Variants in POC1A observed in about 807,000 individuals in gnomAD.
POC1A encodes POC1 centriolar protein A, also known as POC1 centriolar protein homolog A.
Under a neutral mutation model 47.8 loss-of-function variants are expected in POC1A, and 34 were observed. That is an observed-to-expected ratio of 0.71 (90% CI 0.54 to 0.95). The LOEUF is 0.95. Ranked by LOEUF, POC1A falls within the 40% of genes least tolerant of loss-of-function variation. POC1A has a pLI of 0.00. For synonymous variants in POC1A, 177 were observed against 207.6 expected (o/e 0.85, Z 1.27); for missense variants, 466 against 528.3 (o/e 0.88, Z 1.16).
At chr3:52,088,712 G>A (rs1313012116) in intron 10 of POC1A, among the ~76,000 whole-genome samples, 1 of 151,950 alleles carries the variant, frequency 6.6e-6, no homozygotes, top group Non-Finnish European at 1.5e-5. Context: ...GAGGGCCCAG[G>A]TCCCCGAGGA....
At chr3:52,147,139 A>C (rs777884515) in intron 4 of POC1A, 44 bp from the exon 5 acceptor site, 53 of 1,445,348 alleles carry the variant, frequency 3.7e-5, no homozygotes, top group Non-Finnish European at 1.9e-6. Context: ...CTAACAGACG[A>C]CATGGGCACC....
At chr3:52,122,193 C>A (rs1279549984) in intron 9 of POC1A, among the ~76,000 whole-genome samples, 186 bp downstream of exon 9, 29 of 152,248 alleles carry the variant, frequency 1.9e-4, no homozygotes, top group Non-Finnish European at 4.4e-5. Flanking sequence ...CTTATTCGTT[C>A]ACTCTAGATG....
chr3:52,085,262 A>C (rs1702422177), intron 10 of POC1A, among the ~76,000 whole-genome samples: 1 of 152,138 alleles, frequency 6.6e-6, no homozygotes, highest in East Asian at 1.9e-4. Context: ...AGGGCCTCCC[A>C]GGCAGGGCTC....
In POC1A at chr3:52,149,137, T is replaced by C. The variant is rs762289637; in HGVS notation, c.455+73A>G. The C allele has an allele frequency of 5.7e-4, 771 of 1,350,850 alleles. 1 individual carries two copies. The highest frequency in any genetic ancestry group is 7.5e-4 in the Non-Finnish European group (711 of 946,384). The allele number at this position is 1,350,850 out of a possible 1,614,324, so 83.7% of individuals were successfully genotyped here. A position where few individuals can be genotyped will look rare whatever the true frequency, so the allele number is the denominator to read the frequency against. ...TAACTTGCCCGAGGTCATAAGTTGGTACCTAGCAGCCCCTGGGCCAGCCCC... is the reference window on the plus strand; with the variant it reads ...TAACTTGCCCGAGGTCATAAGTTGGCACCTAGCAGCCCCTGGGCCAGCCCC... On this transcript the variant is annotated intron_variant, in intron 4 of 10. Transcript: ENST00000296484.
chr3:52,122,003 C>T (rs1267892201), intron 9 of POC1A, among the ~76,000 whole-genome samples: 2 of 152,174 alleles, frequency 1.3e-5, no homozygotes, highest in Non-Finnish European at 2.9e-5. Flanking sequence ...GCTGTGGCTT[C>T]AGGCCCTGAA....
intron 10 of POC1A, among the ~76,000 whole-genome samples, chr3:52,082,643 G>A (rs1702338591): frequency 6.6e-6 from 1 of 152,166 alleles, no homozygotes; most frequent in South Asian, 2.1e-4. Flanking sequence ...CTCACTCACA[G>A]TTCAAGACGT....
chr3:52,150,912 C>G, intron 2 of POC1A, 104 bp downstream of exon 2: 1 of 980,112 alleles, frequency 1.0e-6, no homozygotes, highest in Non-Finnish European at 1.6e-6. Context: ...CTAGACAAAG[C>G]TGTGCAGTCC....
At chr3:52,130,081 C>T (rs1559839782) in intron 7 of POC1A, among the ~76,000 whole-genome samples, 1 of 152,230 alleles carries the variant, frequency 6.6e-6, no homozygotes, top group Non-Finnish European at 1.5e-5. Context: ...CCCCTGTATG[C>T]CTGAACTCTG....
At chr3:52,153,799 G>A (rs1253449926) in intron 1 of POC1A, among the ~76,000 whole-genome samples, 1 of 152,216 alleles carries the variant, frequency 6.6e-6, no homozygotes, top group Non-Finnish European at 1.5e-5. Context: ...AGTGCCTCAG[G>A]GCATCACAGG....
chr3:52,084,206 G>A lies in POC1A; in HGVS notation c.1126-8221C>T, dbSNP rs1702387450. Among the ~76,000 whole-genome samples the A allele has an allele frequency of 6.6e-6, 1 of 152,222 alleles. No individual in the cohort carries two copies. Among genetic ancestry groups the A allele is most frequent in the Non-Finnish European group, 1.5e-5 (1 of 68,048 alleles). On this transcript the variant is annotated intron_variant, in intron 10 of 10. Transcript: ENST00000296484. This position sits in a 1 kb window ranked among gnomAD's most constrained non-coding sequence, Gnocchi z 4.3. ...GAAACGGAAGTGAATGGACAGACTG[G>A]CACTTCAGAGCACAGACCAAGGGCA...
intron 7 of POC1A, among the ~76,000 whole-genome samples, chr3:52,134,117 A>C (rs1302448346): frequency 6.6e-6 from 1 of 152,196 alleles, no homozygotes; most frequent in Non-Finnish European, 1.5e-5. Flanking sequence ...TAGACCTGTG[A>C]GCTAAACACA....
chr3:52,112,023 G>A (rs1256067809), intron 9 of POC1A, among the ~76,000 whole-genome samples: 1 of 152,224 alleles, frequency 6.6e-6, no homozygotes, highest in South Asian at 2.1e-4. Context: ...GCCACAGCAA[G>A]TCCCATCTTC....
intron 10 of POC1A, among the ~76,000 whole-genome samples, chr3:52,094,667 T>C (rs982084069): frequency 1.5e-4 from 23 of 152,278 alleles, no homozygotes; most frequent in Admixed American, 1.4e-3. Flanking sequence ...TCGGGACGCA[T>C]TGAGTCCGTC....
At chr3:52,131,347 T>G (rs989965015) in intron 7 of POC1A, among the ~76,000 whole-genome samples, 1 of 152,062 alleles carries the variant, frequency 6.6e-6, no homozygotes, top group Non-Finnish European at 1.5e-5. Context: ...TCCTGACCAG[T>G]GTTCCCTTCT....
At chr3:52,154,282 G>T in intron 1 of POC1A, 73 bp downstream of exon 1, 2 of 1,463,106 alleles carry the variant, frequency 1.4e-6, no homozygotes, top group Non-Finnish European at 9.3e-7. Context: ...CGCAGCCATC[G>T]CTCTGGCCAT....
chr3:52,093,216 C>A (rs2106961648), intron 10 of POC1A, among the ~76,000 whole-genome samples: 1 of 152,320 alleles, frequency 6.6e-6, no homozygotes, highest in Middle Eastern at 3.4e-3. Context: ...CAGTTGCCAG[C>A]TCCTCTGGGG....
chr3:52,089,980 CAGGTTTA>C (rs1308088797), intron 10 of POC1A, among the ~76,000 whole-genome samples: 7 of 151,694 alleles, frequency 4.6e-5, no homozygotes, highest in Non-Finnish European at 8.8e-5. Context: ...GGTGGGGGAG[CAGGTTTA>C]AGGTATCTCA....
chr3:52,096,494 T>G lies in POC1A; in HGVS notation c.1125+75A>C. 3 of 1,273,180 alleles carry G rather than the reference T, an allele frequency of 2.4e-6. No homozygotes were observed. In the East Asian group the frequency reaches 8.1e-5, roughly 34 times the overall value. 78.9% of individuals were successfully genotyped at this position (1,273,180 alleles called of 1,614,324 possible). ...GTTTTTAAAAATCCAGCACCTGTTG[T>G]CCAACTTCAAACGGTCCAAATGCGG... On this transcript the variant is annotated intron_variant, in intron 10 of 10. Transcript: ENST00000296484.
chr3:52,108,596 T>G (rs1310255320), intron 9 of POC1A, among the ~76,000 whole-genome samples: 2 of 152,120 alleles, frequency 1.3e-5, no homozygotes, highest in African/African-American at 4.8e-5. Context: ...AATTCATACT[T>G]TGTGCAGCAT....
Sources: allele counts gnomAD v4.1 joint callset (sites outside exome capture counted in the v4.1 genomes callset), GRCh38; gene constraint gnomAD v4.1.1; non-coding constraint Gnocchi (gnomAD v3.1); transcripts MANE v1.5; gene names NCBI Gene and HGNC (gene_info 2026-07-23, HGNC 2026-07-21).